The following DLGAP2 variants were observed in gnomAD, a reference collection of about 807,000 sequenced individuals.
The protein encoded by DLGAP2 is DLG associated protein 2.
In DLGAP2, 26 loss-of-function variants were observed where a neutral mutation model predicts 100.3. That is an observed-to-expected ratio of 0.26 (90% CI 0.19 to 0.36). The LOEUF (loss-of-function observed/expected upper bound fraction) is 0.36. Ranked by LOEUF, DLGAP2 falls within the 10% of genes least tolerant of loss-of-function variation. The probability of loss-of-function intolerance (pLI) is 1.00; values close to 1 mark genes in which losing one functional copy is unlikely to be tolerated. For missense variants in DLGAP2, 1,858 were observed against 1,453.2 expected (o/e 1.28, Z -4.53); for synonymous variants, 886 against 630.1 (o/e 1.41, Z -6.08).
At chr8:767,480 G>A (rs1270714931) in intron 1 of DLGAP2, among the ~76,000 whole-genome samples, 1 of 151,210 alleles carries the variant, frequency 6.6e-6, no homozygotes, top group Non-Finnish European at 1.5e-5. Context: ...TCGTGCCTCA[G>A]TGGGTAGCTG....
chr8:1,088,336 G>A lies in DLGAP2; in HGVS notation c.74-170515G>A, dbSNP rs531930288. On this transcript the variant is annotated intron_variant, in intron 2 of 14. Transcript: ENST00000637795. ...GGGAGGTGTGGGACAGGGCACCAAG[G>A]GCCTGGTGGGGACTGGGTGACACAG... 5.3e-5 allele frequency among the ~76,000 whole-genome samples: 8 copies of A among 152,144 alleles called. No individual in the cohort carries two copies. The East Asian group carries it at 1.5e-3, about 29-fold the overall frequency.
At chr8:1,065,171 A>T (rs896649274) in intron 2 of DLGAP2, among the ~76,000 whole-genome samples, 4 of 152,194 alleles carry the variant, frequency 2.6e-5, no homozygotes, top group Non-Finnish European at 4.4e-5. Context: ...GCTTCTGTGC[A>T]CACAACCCAG....
chr8:797,066 CT>C (rs1796050715), intron 1 of DLGAP2, among the ~76,000 whole-genome samples: 1 of 152,134 alleles, frequency 6.6e-6, no homozygotes, highest in Non-Finnish European at 1.5e-5. Context: ...GTTTTTTAAA[CT>C]TTTATTAAGG....
At chr8:1,384,239 C>G (rs573260240) in intron 3 of DLGAP2, among the ~76,000 whole-genome samples, 1 of 152,358 alleles carries the variant, frequency 6.6e-6, no homozygotes, top group East Asian at 1.9e-4. Flanking sequence ...AATTTCTTTC[C>G]TGGAAAAAGC....
At position 1,055,421 on chromosome 8, in the gene DLGAP2, A is replaced by T. The variant is rs1039221916; in HGVS notation, c.73+147455A>T. ...CTGCTCTAAATATTAATGTAATAAG[A>T]TATCTAGGTTCCTTACCTATGAATG... On this transcript the variant is annotated intron_variant, in intron 2 of 14. Coordinates refer to ENST00000637795, the MANE Select transcript of DLGAP2 (RefSeq NM_001346810.2). 5.3e-5 allele frequency among the ~76,000 whole-genome samples: 8 copies of T among 152,174 alleles called. 1 individual carries two copies. The highest frequency in any genetic ancestry group is 1.9e-4 in the African/African-American group (8 of 41,434).
At chr8:1,128,232 T>C (rs1264688663) in intron 2 of DLGAP2, among the ~76,000 whole-genome samples, 1 of 151,536 alleles carries the variant, frequency 6.6e-6, no homozygotes, top group African/African-American at 2.4e-5. Flanking sequence ...TTGTGTTCGG[T>C]GAGGACCTGC....
At chr8:909,769 A>C (rs1429634090) in intron 2 of DLGAP2, among the ~76,000 whole-genome samples, 1 of 152,124 alleles carries the variant, frequency 6.6e-6, no homozygotes, top group African/African-American at 2.4e-5. Flanking sequence ...TGAGATTATA[A>C]CTCTTAAAAG....
chr8:1,202,022 T>C (rs1461214017), intron 2 of DLGAP2, among the ~76,000 whole-genome samples: 1 of 151,026 alleles, frequency 6.6e-6, no homozygotes, highest in Non-Finnish European at 1.5e-5. Flanking sequence ...TGTGTCTATG[T>C]ACATGTGTGC....
intron 2 of DLGAP2, among the ~76,000 whole-genome samples, chr8:1,180,594 AGTGT>A (rs1193471586): frequency 1.4e-5 from 2 of 148,004 alleles, no homozygotes; most frequent in African/African-American, 4.9e-5. Flanking sequence ...CACACTGTCG[AGTGT>A]GTGTGGGTGT....
At chr8:1,516,726 A>C (rs1374539973) in intron 4 of DLGAP2, among the ~76,000 whole-genome samples, 1 of 151,922 alleles carries the variant, frequency 6.6e-6, no homozygotes, top group African/African-American at 2.4e-5. Context: ...TGAAAGAGTG[A>C]GTGACTGAGA....
At chr8:1,301,815 C>A (rs1447589344) in intron 3 of DLGAP2, 1 of 152,382 alleles carries the variant, frequency 6.6e-6, no homozygotes, top group Admixed American at 6.5e-5. Context: ...GGCTCCATTT[C>A]CTCATGCCTC....
chr8:1,048,854 G>A (rs1802591666), intron 2 of DLGAP2, among the ~76,000 whole-genome samples: 1 of 152,030 alleles, frequency 6.6e-6, no homozygotes, highest in Non-Finnish European at 1.5e-5. Context: ...GGTACACTCT[G>A]ACTTTAAAAT....
intron 3 of DLGAP2, among the ~76,000 whole-genome samples, chr8:1,306,909 C>T (rs1800504948): frequency 2.6e-5 from 4 of 151,864 alleles, no homozygotes; most frequent in Admixed American, 2.6e-4. Flanking sequence ...AGATAAAAGA[C>T]CTAAACATAA....
At chr8:1,636,475 C>A (rs1466179462) in intron 8 of DLGAP2, among the ~76,000 whole-genome samples, 1 of 152,118 alleles carries the variant, frequency 6.6e-6, no homozygotes, top group Non-Finnish European at 1.5e-5. Context: ...TATTTCAGTA[C>A]CTTGAATATA....
rs1820358163 is a variant in DLGAP2 at position 737,841 on chromosome 8, G to A, written c.18+16G>A. Reference sequence around the variant, plus strand: ...GCTGAGGAAGGTGCGAGCCGCCGGGGGCTGCCGGGAGCCGGGCGCGGGGCT... The same window carrying A: ...GCTGAGGAAGGTGCGAGCCGCCGGGAGCTGCCGGGAGCCGGGCGCGGGGCT... On this transcript the variant is annotated intron_variant, in intron 1 of 14. Transcript: ENST00000637795. 15 of 378,098 alleles carry A rather than the reference G, an allele frequency of 4.0e-5. No homozygotes were observed. The East Asian group carries it at 5.3e-4, about 13-fold the overall frequency. 23.4% of individuals were successfully genotyped at this position (378,098 alleles called of 1,614,324 possible). A position where few individuals can be genotyped will look rare whatever the true frequency, so the allele number is the denominator to read the frequency against.
intron 3 of DLGAP2, among the ~76,000 whole-genome samples, chr8:1,390,226 T>G (rs780548439): frequency 2.0e-5 from 3 of 152,162 alleles, no homozygotes; most frequent in Non-Finnish European, 2.9e-5. Flanking sequence ...ATCATGTTGG[T>G]GAAAACCAGA....
At position 879,335 on chromosome 8, in the gene DLGAP2, G is replaced by A. The variant is rs189492265; in HGVS notation, c.19-28577G>A. ...TTGTTTTGCTGTTAGGACATTCACC[G>A]AAATGACACTGTCTGCTTGGGGAGC... On this transcript the variant is annotated intron_variant, in intron 1 of 14. Transcript: ENST00000637795. 4.5e-4 allele frequency among the ~76,000 whole-genome samples: 69 copies of A among 152,300 alleles called. 1 individual carries two copies. The highest frequency in any genetic ancestry group is 1.1e-3 in the African/African-American group (47 of 41,572).
intron 3 of DLGAP2, among the ~76,000 whole-genome samples, chr8:1,278,220 C>T (rs1425810415): frequency 6.6e-6 from 1 of 152,152 alleles, no homozygotes; most frequent in Admixed American, 6.5e-5. Context: ...GCCACTCACT[C>T]CCTTGGACTC....
chr8:941,979 G>C (rs1799207322), intron 2 of DLGAP2, among the ~76,000 whole-genome samples: 1 of 152,102 alleles, frequency 6.6e-6, no homozygotes, highest in Non-Finnish European at 1.5e-5. Context: ...GAATGTTTTT[G>C]TTGTCTCTCT....
Sources: allele counts gnomAD v4.1 joint callset (sites outside exome capture counted in the v4.1 genomes callset), GRCh38; gene constraint gnomAD v4.1.1; transcripts MANE v1.5; gene names NCBI Gene and HGNC (gene_info 2026-07-23, HGNC 2026-07-21).